MYO16: variants seen among roughly 807,000 people sequenced by gnomAD.
The protein encoded by MYO16 is unconventional myosin-XVI.
In MYO16, 94 loss-of-function variants were observed where a neutral mutation model predicts 205.3. That is an observed-to-expected ratio of 0.46 (90% CI 0.39 to 0.54). The LOEUF is 0.54. Ranked by LOEUF, MYO16 falls within the 20% of genes least tolerant of loss-of-function variation. MYO16 has a pLI of 0.00. For synonymous variants in MYO16, 988 were observed against 954.0 expected (o/e 1.04, Z -0.66); for missense variants, 2,315 against 2,387.5 (o/e 0.97, Z 0.63).
rs142539747 is a variant in MYO16, at chr13:108,690,403, C to T, written c.293-22258C>T. 1.8e-3 allele frequency among the ~76,000 whole-genome samples: 79 copies of T among 44,236 alleles called. No homozygotes were observed. In the East Asian group the frequency reaches 0.077, roughly 43 times the overall value. The allele number at this position is 44,236 out of a possible 152,430, so 29.0% of individuals were successfully genotyped here. A position where few individuals can be genotyped will look rare whatever the true frequency, so the allele number is the denominator to read the frequency against. Reference sequence around the variant, plus strand: ...GTCTCCTTGGTCTTGCGGTACTCAACGTCGTGCTGCCACCACGAGCTATGG... The same window carrying T: ...GTCTCCTTGGTCTTGCGGTACTCAATGTCGTGCTGCCACCACGAGCTATGG... On this transcript the variant is annotated intron_variant, in intron 2 of 34. Transcript: ENST00000457511.
At chr13:109,143,176 A>T (rs1401666787) in intron 32 of MYO16, among the ~76,000 whole-genome samples, 2 of 152,156 alleles carry the variant, frequency 1.3e-5, no homozygotes, top group Non-Finnish European at 2.9e-5. Context: ...CCAAAAGAAA[A>T]TACATAAATG....
Position 108,672,985 on chromosome 13 carries a change from A to G in MYO16, c.292+6836A>G, listed in dbSNP as rs879585949. On this transcript the variant is annotated intron_variant, in intron 2 of 34. Coordinates refer to ENST00000457511, the MANE Select transcript of MYO16 (RefSeq NM_001198950.3). ...GTATGTTCTGCACTCTCTGAGCTCT[A>G]CATGCCTTGACTTACTCCTTTCAAT... Among the ~76,000 whole-genome samples the G allele has an allele frequency of 3.3e-5, 5 of 152,176 alleles. No individual in the cohort carries two copies. The East Asian group carries it at 7.7e-4, about 23-fold the overall frequency.
chr13:108,826,987 A>G (rs955528490), intron 9 of MYO16, among the ~76,000 whole-genome samples: 1 of 152,212 alleles, frequency 6.6e-6, no homozygotes, highest in African/African-American at 2.4e-5. Context: ...GTTCTCAAAC[A>G]GTTGAACGTA....
chr13:108,996,937 A>C (rs1459295204), intron 21 of MYO16, among the ~76,000 whole-genome samples: 1 of 152,146 alleles, frequency 6.6e-6, no homozygotes, highest in African/African-American at 2.4e-5. Flanking sequence ...AAACACATAC[A>C]TGCAAAGGCA....
Position 108,969,368 on chromosome 13 carries a change from G to A in MYO16, c.2369+4466G>A, listed in dbSNP as rs544710546. Among the ~76,000 whole-genome samples the A allele has an allele frequency of 1.1e-4, 16 of 152,272 alleles. No individual in the cohort carries two copies. The East Asian group carries it at 1.4e-3, about 13-fold the overall frequency. ...TGTCAGCTGACACCCAATGACCACC[G>A]AAGGTATTAACAAAGTCCTTGTTTA... On this transcript the variant is annotated intron_variant, in intron 20 of 34. Coordinates refer to ENST00000457511, the MANE Select transcript of MYO16 (RefSeq NM_001198950.3).
chr13:108,818,217 C>T (rs758841158), intron 7 of MYO16, among the ~76,000 whole-genome samples: 5 of 151,842 alleles, frequency 3.3e-5, no homozygotes, highest in Non-Finnish European at 7.4e-5. Flanking sequence ...AACCCCAACT[C>T]TATTAAAAAT....
chr13:108,763,811 G>GTGTGTA (rs1885692364), intron 4 of MYO16, among the ~76,000 whole-genome samples: 1 of 151,742 alleles, frequency 6.6e-6, no homozygotes, highest in Non-Finnish European at 1.5e-5. Flanking sequence ...GTGTGTGTGT[G>GTGTGTA]TGTGTGTGTG....
chr13:108,991,491 C>T (rs1239682466), intron 20 of MYO16, among the ~76,000 whole-genome samples: 2 of 152,226 alleles, frequency 1.3e-5, no homozygotes, highest in African/African-American at 4.8e-5. Flanking sequence ...CATCAAAGAA[C>T]ATGCATGTGA....
chr13:108,972,854 C>CT (rs557092038), intron 20 of MYO16, among the ~76,000 whole-genome samples: 2 of 151,486 alleles, frequency 1.3e-5, no homozygotes, highest in Non-Finnish European at 2.9e-5. Flanking sequence ...TGTGGGTTTT[C>CT]TTTTTTTGTT....
the MYO16 span, among the ~76,000 whole-genome samples, chr13:108,516,181 C>T: frequency 3.9e-5 from 6 of 152,008 alleles, no homozygotes; most frequent in African/African-American, 1.2e-4. Flanking sequence ...TCTCGTGGTG[C>T]GCCATTTTTT....
At chr13:108,641,815 G>A (rs564972580) in intron 1 of MYO16, among the ~76,000 whole-genome samples, 8 of 152,068 alleles carry the variant, frequency 5.3e-5, no homozygotes, top group African/African-American at 1.9e-4. Context: ...GATACCTAAA[G>A]CACATCACCT....
At chr13:108,959,409 G>C (rs1883498997) in intron 17 of MYO16, among the ~76,000 whole-genome samples, 1 of 152,176 alleles carries the variant, frequency 6.6e-6, no homozygotes, top group South Asian at 2.1e-4. Context: ...CAGTTGCCTG[G>C]AAACAGGGCT....
chr13:108,602,012 A>T (rs74117270), intron 1 of MYO16, among the ~76,000 whole-genome samples: 3,349 of 150,944 alleles, frequency 0.022, 124 homozygotes, highest in African/African-American at 0.076. Context: ...GGAAGTCATA[A>T]TGGTGGGGCC....
At chr13:109,145,629 A>C (rs1877294718) in intron 32 of MYO16, among the ~76,000 whole-genome samples, 1 of 152,206 alleles carries the variant, frequency 6.6e-6, no homozygotes. Flanking sequence ...TTTCCATCTC[A>C]TGTGATGATG....
chr13:108,642,774 A>T (rs1357781331), intron 1 of MYO16, among the ~76,000 whole-genome samples: 4 of 152,156 alleles, frequency 2.6e-5, no homozygotes, highest in African/African-American at 9.7e-5. Context: ...AGAGGCTGGC[A>T]TCTGTTCACA....
intron 4 of MYO16, among the ~76,000 whole-genome samples, chr13:108,731,538 A>G (rs114329257): frequency 0.013 from 2,049 of 152,246 alleles, 46 homozygotes; most frequent in African/African-American, 0.046. Context: ...ATTGAGGGGG[A>G]AAAAAACTAG....
Position 109,165,013 on chromosome 13 carries a change from A to G in MYO16, c.5277A>G (p.Ser1759=), listed in dbSNP as rs202221944. 1.9e-5 allele frequency: 31 copies of G among 1,602,508 alleles called. No individual in the cohort carries two copies. Among genetic ancestry groups the G allele is most frequent in the Middle Eastern group, 1.7e-4 (1 of 6,046 alleles). The change falls in exon 33 of 35, where the codon TCA becomes TCG. Residue 1759 remains serine, a synonymous_variant. Coordinates refer to ENST00000457511, the MANE Select transcript of MYO16 (RefSeq NM_001198950.3). ...ACCATGGAATTCAGTTATCTAATTC[A>G]CTATCTAGTGCTATAACTGCTGAAA... is the stretch of plus-strand genomic sequence containing the variant. ...ANNHGIQLSN[S]LSSAITAENG... is the part of the protein sequence containing the mutation.
Position 109,207,024 on chromosome 13 carries a change from G to A in MYO16, c.*188G>A, listed in dbSNP as rs918229075. ...TGTGTGTTTGTGTGTGTGTGTGTGG[G>A]TTCTTTCTTATCCATCTCGTGGTGA... On this transcript the variant is annotated 3_prime_UTR_variant, in exon 35 of 35. Coordinates refer to ENST00000457511, the MANE Select transcript of MYO16 (RefSeq NM_001198950.3). 9 of 571,428 alleles carry A rather than the reference G, an allele frequency of 1.6e-5. No homozygotes were observed. The Admixed American group carries it at 2.8e-4, about 18-fold the overall frequency. The allele number at this position is 571,428 out of a possible 1,614,324, so 35.4% of individuals were successfully genotyped here.
At chr13:108,662,618 G>A (rs773914058) in intron 1 of MYO16, among the ~76,000 whole-genome samples, 5 of 152,226 alleles carry the variant, frequency 3.3e-5, no homozygotes, top group South Asian at 2.1e-4. Flanking sequence ...CACTCCCACC[G>A]TGCCCCACAA....
Sources: gnomAD v4.1 joint callset for allele counts (sites outside exome capture counted in the v4.1 genomes callset) on GRCh38, gnomAD v4.1.1 for gene constraint, MANE v1.5 for transcripts, NCBI Gene and HGNC (gene_info 2026-07-23, HGNC 2026-07-21) for gene names.